OSBP: variants seen among roughly 807,000 people sequenced by gnomAD.
OSBP encodes oxysterol-binding protein 1.
A neutral mutation model predicts 96.6 loss-of-function variants in OSBP; 32 were observed. The observed-to-expected ratio is 0.33, with a 90% CI of 0.25 to 0.45. OSBP has a LOEUF of 0.45. Among genes scored for constraint, OSBP ranks in the 20% least tolerant of loss-of-function variants. The pLI is 1.00. For synonymous variants in OSBP, 369 were observed against 389.6 expected (o/e 0.95, Z 0.62); for missense variants, 653 against 1,029.7 (o/e 0.63, Z 5.01).
intron 11 of OSBP, among the ~76,000 whole-genome samples, chr11:59,579,335 C>CTTT (rs760297069): frequency 7.1e-6 from 1 of 141,690 alleles, no homozygotes. Flanking sequence ...TTCTTTCTTT[C>CTTT]TTTTTTTTTT....
At chr11:59,585,708 G>A (rs1040196566) in intron 9 of OSBP, among the ~76,000 whole-genome samples, 38 of 152,368 alleles carry the variant, frequency 2.5e-4, no homozygotes, top group Middle Eastern at 3.4e-3. Context: ...TGACAATGGC[G>A]GTTTTGTGGA....
In OSBP at chr11:59,615,587, A is replaced by ACCGGCG; in HGVS notation, c.72_77dup (p.Ala25_Gly26dup). The stretch of plus-strand genomic sequence containing the variant: ...CGCCGCCTCCTCCCACCACTGGGGG[A>ACCGGCG]CCGGCGCCGCCGCCGCCAAGTGCTG... On this transcript the variant is annotated inframe_insertion, in exon 1 of 14. Coordinates refer to ENST00000263847, the MANE Select transcript of OSBP (RefSeq NM_002556.3). 7.3e-7 allele frequency: 1 copy of ACCGGCG among 1,370,832 alleles called. No homozygotes were observed. The highest frequency in any genetic ancestry group is 1.5e-5 in the African/African-American group (1 of 66,232). 84.9% of individuals were successfully genotyped at this position (1,370,832 alleles called of 1,614,324 possible).
At chr11:59,601,555 G>T in intron 4 of OSBP, 85 bp downstream of exon 4, 1 of 1,287,172 alleles carries the variant, frequency 7.8e-7, no homozygotes, top group Non-Finnish European at 1.1e-6. Context: ...CTCATTGACT[G>T]TGAAGAGTTT....
At chr11:59,605,305 C>T (rs17153977) in intron 3 of OSBP, among the ~76,000 whole-genome samples, 3,455 of 152,262 alleles carry the variant, frequency 0.023, 126 homozygotes, top group African/African-American at 0.08. Flanking sequence ...GCTCGACTAA[C>T]AGTCAATTAC....
intron 10 of OSBP, among the ~76,000 whole-genome samples, chr11:59,581,091 C>T (rs1860415087): frequency 6.6e-6 from 1 of 152,154 alleles, no homozygotes. Flanking sequence ...AGGGACATCT[C>T]ATCAGACTTT....
At chr11:59,603,830 C>T (rs1860749601) in intron 3 of OSBP, among the ~76,000 whole-genome samples, 1 of 152,130 alleles carries the variant, frequency 6.6e-6, no homozygotes, top group Admixed American at 6.5e-5. Context: ...CATCAGTTTC[C>T]TATGTTGTCT....
intron 9 of OSBP, among the ~76,000 whole-genome samples, chr11:59,584,185 G>A (rs1284297326): frequency 2.0e-5 from 3 of 151,762 alleles, no homozygotes; most frequent in South Asian, 2.1e-4. Context: ...GGGCTCAGGC[G>A]ATCCTCCCAC....
At chr11:59,584,785 T>C (rs1860473318) in intron 9 of OSBP, among the ~76,000 whole-genome samples, 1 of 152,140 alleles carries the variant, frequency 6.6e-6, no homozygotes, top group Non-Finnish European at 1.5e-5. Flanking sequence ...CTGGAAGTTT[T>C]AGCCAGGGCA....
chr11:59,588,935 C>CGG (rs1565116127), intron 9 of OSBP, among the ~76,000 whole-genome samples: 4 of 151,042 alleles, frequency 2.6e-5, no homozygotes, highest in African/African-American at 9.7e-5. Flanking sequence ...AACCCAGGAG[C>CGG]GGGAGGTTGC....
chr11:59,608,164 C>T (rs1001008755), intron 3 of OSBP, among the ~76,000 whole-genome samples: 2 of 150,830 alleles, frequency 1.3e-5, no homozygotes, highest in African/African-American at 2.4e-5. Flanking sequence ...CATAAAATCA[C>T]GACCTAGAGA....
chr11:59,603,032 CT>C (rs1417273640), intron 3 of OSBP, among the ~76,000 whole-genome samples: 10 of 152,312 alleles, frequency 6.6e-5, no homozygotes, highest in African/African-American at 2.4e-4. Flanking sequence ...TCTTTAAGAT[CT>C]ATGGCAAATG....
rs78670300 is a variant in OSBP at position 59,602,743 on chromosome 11, C to T, written c.823-905G>A. ...TCAGGTGATCCTCCTACCTTAGCCC[C>T]GCTGAGCAGTTGGGACTACAGTTAT... is the stretch of plus-strand genomic sequence containing the variant. On this transcript the variant is annotated intron_variant, in intron 3 of 13. Coordinates refer to ENST00000263847, the MANE Select transcript of OSBP (RefSeq NM_002556.3). Among the ~76,000 whole-genome samples the T allele has an allele frequency of 1.1e-3, 172 of 152,286 alleles. 2 individuals are homozygous for T. The East Asian group carries it at 0.032, about 29-fold the overall frequency.
In OSBP at chr11:59,603,104, C is replaced by T. The variant is rs76736712; in HGVS notation, c.823-1266G>A. On this transcript the variant is annotated intron_variant, in intron 3 of 13. Transcript: ENST00000263847. ...AGCCAGTCTCTTCTCTACATTTCCA[C>T]TGCATTTTGCACAAACTTCTATTTT... 8.5e-3 allele frequency among the ~76,000 whole-genome samples: 1,300 copies of T among 152,358 alleles called. 16 individuals are homozygous for T. Among genetic ancestry groups the T allele is most frequent in the Non-Finnish European group, 0.012 (799 of 68,040 alleles).
chr11:59,590,185 T>C (rs1860559982), intron 9 of OSBP, among the ~76,000 whole-genome samples: 1 of 152,238 alleles, frequency 6.6e-6, no homozygotes, highest in African/African-American at 2.4e-5. Context: ...TCTTCAGTCA[T>C]GGCTATGACT....
chr11:59,609,779 A>G lies in OSBP; in HGVS notation c.571+602T>C, dbSNP rs903296813. On this transcript the variant is annotated intron_variant, in intron 2 of 13. Transcript: ENST00000263847. The stretch of plus-strand genomic sequence containing the variant: ...AAAACTTAACTTGATTGCTCCTTTT[A>G]GTTAACCAATGCAGCAAAATGAAGA... Among the ~76,000 whole-genome samples the G allele has an allele frequency of 2.0e-5, 3 of 152,320 alleles. 1 individual carries two copies. The highest frequency in any genetic ancestry group is 1.3e-4 in the Admixed American group (2 of 15,304).
intron 12 of OSBP, 50 bp downstream of exon 12, chr11:59,578,099 C>A: frequency 6.4e-7 from 1 of 1,566,014 alleles, no homozygotes; most frequent in East Asian, 2.3e-5. Context: ...AATATTGCTC[C>A]ACAGTCAAGG....
chr11:59,581,589 A>G, intron 9 of OSBP, 35 bp from the exon 10 acceptor site: 4 of 1,248,694 alleles, frequency 3.2e-6, no homozygotes, highest in Non-Finnish European at 4.7e-6. Flanking sequence ...ATTAAGCCAA[A>G]TGTCAGAAAA....
chr11:59,606,684 A>G (rs530824743), intron 3 of OSBP, among the ~76,000 whole-genome samples: 2 of 152,320 alleles, frequency 1.3e-5, no homozygotes, highest in African/African-American at 4.8e-5. Context: ...ATCAAAAATT[A>G]AATTAATTTT....
At chr11:59,604,994 A>C (rs1860764115) in intron 3 of OSBP, among the ~76,000 whole-genome samples, 1 of 151,288 alleles carries the variant, frequency 6.6e-6, no homozygotes, top group Non-Finnish European at 1.5e-5. Flanking sequence ...TCCACTAAAA[A>C]CACAAAAAAT....
Sources: gnomAD v4.1 joint callset for allele counts (sites outside exome capture counted in the v4.1 genomes callset) on GRCh38, gnomAD v4.1.1 for gene constraint, MANE v1.5 for transcripts, NCBI Gene and HGNC (gene_info 2026-07-23, HGNC 2026-07-21) for gene names.